The following PDE4B variants were observed in gnomAD, a reference collection of about 807,000 sequenced individuals.
PDE4B encodes the protein phosphodiesterase 4B, also known as 3',5'-cyclic-AMP phosphodiesterase 4B.
PDE4B carries 20 observed loss-of-function variants against 82.2 expected under a neutral mutation model. The ratio of observed to expected loss-of-function variants is 0.24; its 90% CI spans 0.17 to 0.35. PDE4B has a LOEUF of 0.35. Ranked by LOEUF, PDE4B falls within the 10% of genes least tolerant of loss-of-function variation. PDE4B has a pLI of 1.00. For missense variants in PDE4B, 655 were observed against 907.2 expected, an observed-to-expected ratio of 0.72 and a Z score of 3.57; for synonymous variants, 320 against 318.9, an observed-to-expected ratio of 1.00 and a Z score of -0.04.
chr1:65,816,058 T>G (rs1334293681), intron 1 of PDE4B, among the ~76,000 whole-genome samples: 4 of 152,172 alleles, frequency 2.6e-5, no homozygotes, highest in Admixed American at 6.5e-5. Flanking sequence ...TGTGTTTCAG[T>G]TTTAGAAGAA....
chr1:66,254,594 T>C (rs1654045369), intron 4 of PDE4B, among the ~76,000 whole-genome samples: 1 of 152,164 alleles, frequency 6.6e-6, no homozygotes, highest in African/African-American at 2.4e-5. Context: ...CGGATACAAA[T>C]CAGTACCTTT....
intron 7 of PDE4B, among the ~76,000 whole-genome samples, chr1:66,302,750 A>T (rs1463966641): frequency 1.3e-5 from 2 of 152,218 alleles, no homozygotes; most frequent in Non-Finnish European, 1.5e-5. Flanking sequence ...GGTGCAACAC[A>T]TCAGAGATTG....
chr1:66,133,309 C>T (rs1283375629), intron 3 of PDE4B, among the ~76,000 whole-genome samples: 2 of 152,036 alleles, frequency 1.3e-5, no homozygotes, highest in African/African-American at 2.4e-5. Context: ...TTGGGTATCA[C>T]CATCAAACAA....
intron 1 of PDE4B, among the ~76,000 whole-genome samples, chr1:65,907,732 A>G (rs1001209192): frequency 6.6e-6 from 1 of 152,186 alleles, no homozygotes; most frequent in African/African-American, 2.4e-5. Context: ...GCCAATTTTT[A>G]GTTTTCTCAG....
At chr1:66,265,712 A>T (rs1039552336) in intron 6 of PDE4B, among the ~76,000 whole-genome samples, 2 of 146,874 alleles carry the variant, frequency 1.4e-5, no homozygotes, top group African/African-American at 4.9e-5. Context: ...GTGATGCCTG[A>T]GCAAGTGACT....
At chr1:65,866,024 G>T (rs1646507123) in intron 1 of PDE4B, among the ~76,000 whole-genome samples, 1 of 152,038 alleles carries the variant, frequency 6.6e-6, no homozygotes, top group African/African-American at 2.4e-5. Flanking sequence ...ACTCGGACAG[G>T]TTATCCTCAC....
chr1:65,936,726 G>A (rs543193148), intron 3 of PDE4B, among the ~76,000 whole-genome samples: 1 of 152,204 alleles, frequency 6.6e-6, no homozygotes, highest in Non-Finnish European at 1.5e-5. Context: ...GGGAACTATC[G>A]GCCTAGATTT....
At chr1:66,295,940 C>G (rs568186197) in intron 7 of PDE4B, among the ~76,000 whole-genome samples, 1 of 152,120 alleles carries the variant, frequency 6.6e-6, no homozygotes, top group Non-Finnish European at 1.5e-5. Context: ...TGCAACTTCT[C>G]GAACACCATA....
rs570806744 is a variant in PDE4B at position 66,150,931 on chromosome 1, C to T, written c.282-96529C>T. Among the ~76,000 whole-genome samples the T allele has an allele frequency of 7.9e-5, 12 of 152,182 alleles. No individual in the cohort carries two copies. The South Asian group carries it at 8.3e-4, about 11-fold the overall frequency. ...CTTTTATATGCTGCTGTATCCAATTCGCTAGAATTTTGTTGAGGAATTTTT... is the reference window on the plus strand; with the variant it reads ...CTTTTATATGCTGCTGTATCCAATTTGCTAGAATTTTGTTGAGGAATTTTT... On this transcript the variant is annotated intron_variant, in intron 3 of 16. Transcript: ENST00000341517.
chr1:66,286,084 T>TGCTAAATAAATAAAC (rs1656654451), intron 7 of PDE4B, among the ~76,000 whole-genome samples: 1 of 152,128 alleles, frequency 6.6e-6, no homozygotes, highest in Non-Finnish European at 1.5e-5. Context: ...AATAAATAAG[T>TGCTAAATAAATAAAC]GCTAAATAAA....
intron 3 of PDE4B, among the ~76,000 whole-genome samples, chr1:66,094,225 T>G (rs1212598621): frequency 6.6e-6 from 1 of 151,994 alleles, no homozygotes; most frequent in Non-Finnish European, 1.5e-5. Context: ...TCTCAAATAC[T>G]GAGACATACA....
At chr1:66,318,960 C>T (rs79326755) in intron 7 of PDE4B, among the ~76,000 whole-genome samples, 2,395 of 152,272 alleles carry the variant, frequency 0.016, 35 homozygotes, top group Non-Finnish European at 0.025. Context: ...CCTTCATGAG[C>T]CTCAATAATC....
At chr1:66,244,636 A>G (rs916266823) in intron 3 of PDE4B, among the ~76,000 whole-genome samples, 4 of 152,072 alleles carry the variant, frequency 2.6e-5, no homozygotes, top group Admixed American at 1.3e-4. Context: ...TTGGTGATTC[A>G]TGTTTGTTCC....
chr1:66,075,129 C>G (rs985650165), intron 3 of PDE4B, among the ~76,000 whole-genome samples: 1 of 152,014 alleles, frequency 6.6e-6, no homozygotes, highest in Admixed American at 6.6e-5. Flanking sequence ...AGTAGCCCTG[C>G]TCTTCAAGGA....
chr1:66,241,636 A>C (rs923123383), intron 3 of PDE4B, among the ~76,000 whole-genome samples: 2 of 151,984 alleles, frequency 1.3e-5, no homozygotes, highest in Admixed American at 6.6e-5. Flanking sequence ...CTCCCGATAC[A>C]GTTAGTTTCT....
At position 65,911,767 on chromosome 1, in the gene PDE4B, G is replaced by A. The variant is rs147583457; in HGVS notation, c.-70-1478G>A. On this transcript the variant is annotated intron_variant, in intron 1 of 16. Coordinates refer to ENST00000341517, the MANE Select transcript of PDE4B (RefSeq NM_002600.4). ...AATCAAATACCTGAAAAGCCCATGG[G>A]GTTCTCTCCCTAGAGCACTTATAAA... Among the ~76,000 whole-genome samples the A allele has an allele frequency of 7.2e-4, 109 of 151,984 alleles. 5 individuals carry two copies. Among genetic ancestry groups the A allele is most frequent in the African/African-American group, 2.4e-3 (98 of 41,482 alleles).
intron 1 of PDE4B, among the ~76,000 whole-genome samples, chr1:65,872,968 T>C (rs1418749462): frequency 6.6e-6 from 1 of 152,186 alleles, no homozygotes; most frequent in Non-Finnish European, 1.5e-5. Context: ...CACATCTTCA[T>C]ATGCAAATAA....
At chr1:65,970,850 T>G (rs944639391) in intron 3 of PDE4B, among the ~76,000 whole-genome samples, 1 of 151,880 alleles carries the variant, frequency 6.6e-6, no homozygotes, top group Admixed American at 6.6e-5. Flanking sequence ...AATGTGCACC[T>G]GGAGGACTCC....
chr1:65,994,889 A>G (rs1651448974), intron 3 of PDE4B, among the ~76,000 whole-genome samples: 1 of 152,086 alleles, frequency 6.6e-6, no homozygotes, highest in Non-Finnish European at 1.5e-5. Flanking sequence ...ACATAGAGCT[A>G]TAAATACTGG....
Sources: gnomAD v4.1 joint callset for allele counts (sites outside exome capture counted in the v4.1 genomes callset) on GRCh38, gnomAD v4.1.1 for gene constraint, MANE v1.5 for transcripts, NCBI Gene and HGNC (gene_info 2026-07-23, HGNC 2026-07-21) for gene names.